HS3ST5: variants seen among roughly 807,000 people sequenced by gnomAD.
The protein encoded by HS3ST5 is heparan sulfate-glucosamine 3-sulfotransferase 5, also known as heparan sulfate glucosamine 3-O-sulfotransferase 5.
Under a neutral mutation model 25.4 loss-of-function variants are expected in HS3ST5, and 10 were observed. The observed-to-expected ratio is 0.39, with a 90% CI of 0.24 to 0.67. The LOEUF (loss-of-function observed/expected upper bound fraction) is 0.67, where lower values mean the gene tolerates loss of function less well. Among genes scored for constraint, HS3ST5 ranks in the 30% least tolerant of loss-of-function variants. The pLI, the probability that HS3ST5 is intolerant of heterozygous loss-of-function variation, is 0.44. For synonymous variants in HS3ST5, 170 were observed against 162.4 expected (o/e 1.05, Z -0.36); for missense variants, 324 against 420.7 (o/e 0.77, Z 2.01).
intron 1 of HS3ST5, among the ~76,000 whole-genome samples, chr6:114,300,484 C>CA (rs1486118571): frequency 6.6e-6 from 1 of 151,980 alleles, no homozygotes; most frequent in East Asian, 1.9e-4. Flanking sequence ...AAAGCTAAAA[C>CA]AAAAAAGACA....
At chr6:114,312,880 A>G (rs903803389) in intron 1 of HS3ST5, among the ~76,000 whole-genome samples, 3 of 151,660 alleles carry the variant, frequency 2.0e-5, no homozygotes, top group African/African-American at 7.3e-5. Context: ...AAATACAAAA[A>G]TCAGCCGAGC....
intron 3 of HS3ST5, among the ~76,000 whole-genome samples, chr6:114,165,490 A>G (rs1405978281): frequency 6.6e-6 from 1 of 152,176 alleles, no homozygotes; most frequent in East Asian, 1.9e-4. Flanking sequence ...CAATGTTTAT[A>G]TTTACCAAAC....
intron 2 of HS3ST5, among the ~76,000 whole-genome samples, chr6:114,195,249 T>A (rs1210286567): frequency 1.3e-5 from 2 of 152,066 alleles, no homozygotes; most frequent in East Asian, 3.9e-4. Context: ...GGTCAGGCCA[T>A]CTGAGAAAGG....
chr6:114,152,213 T>G (rs1008477069), intron 3 of HS3ST5, among the ~76,000 whole-genome samples: 1 of 152,138 alleles, frequency 6.6e-6, no homozygotes, highest in African/African-American at 2.4e-5. Context: ...TGAGCCACCG[T>G]GCCAGGCCAT....
chr6:114,264,820 C>G (rs968359889), intron 1 of HS3ST5, among the ~76,000 whole-genome samples: 1 of 152,038 alleles, frequency 6.6e-6, no homozygotes, highest in African/African-American at 2.4e-5. Flanking sequence ...TCCAGGAAAA[C>G]TGATATTTGA....
At chr6:114,127,987 C>T (rs568627171) in intron 3 of HS3ST5, among the ~76,000 whole-genome samples, 1 of 151,304 alleles carries the variant, frequency 6.6e-6, no homozygotes, top group South Asian at 2.1e-4. Flanking sequence ...AGCCTGCTTC[C>T]TCTAATACAA....
intron 3 of HS3ST5, among the ~76,000 whole-genome samples, chr6:114,118,289 C>T (rs1046870528): frequency 6.6e-5 from 10 of 151,550 alleles, no homozygotes; most frequent in African/African-American, 1.7e-4. Context: ...TAATTTTCAG[C>T]GGAAAAAAAA....
At chr6:114,193,768 G>A (rs185930300) in intron 2 of HS3ST5, among the ~76,000 whole-genome samples, 94 of 152,030 alleles carry the variant, frequency 6.2e-4, no homozygotes, top group African/African-American at 2.1e-3. Flanking sequence ...ACTATTATGA[G>A]TGAAATTTCC....
intron 1 of HS3ST5, among the ~76,000 whole-genome samples, chr6:114,310,257 G>A (rs1582806669): frequency 6.6e-6 from 1 of 152,204 alleles, no homozygotes; most frequent in Non-Finnish European, 1.5e-5. Context: ...TTGCACAATA[G>A]CTACTCAATA....
chr6:114,234,114 C>T (rs537925500), intron 1 of HS3ST5, among the ~76,000 whole-genome samples: 5 of 152,128 alleles, frequency 3.3e-5, no homozygotes, highest in East Asian at 3.9e-4. Flanking sequence ...TAAGGGTAGA[C>T]GATGCAAATT....
intron 1 of HS3ST5, among the ~76,000 whole-genome samples, chr6:114,250,161 G>C (rs571570567): frequency 6.6e-6 from 1 of 152,274 alleles, no homozygotes; most frequent in East Asian, 1.9e-4. Context: ...ATTATCCCAT[G>C]ATGGTGAAAT....
intron 3 of HS3ST5, among the ~76,000 whole-genome samples, chr6:114,105,178 A>C (rs1446888133): frequency 6.6e-6 from 1 of 152,242 alleles, no homozygotes; most frequent in Non-Finnish European, 1.5e-5. Flanking sequence ...AAAAGAAGGC[A>C]GCAGCTCAAA....
intron 3 of HS3ST5, among the ~76,000 whole-genome samples, chr6:114,157,142 G>C (rs964734230): frequency 6.6e-6 from 1 of 151,804 alleles, no homozygotes; most frequent in Non-Finnish European, 1.5e-5. Context: ...CCATTGTCCA[G>C]GATGGAATTA....
intron 1 of HS3ST5, among the ~76,000 whole-genome samples, chr6:114,336,810 CTTGAG>C (rs1776630508): frequency 2.0e-5 from 3 of 151,972 alleles, no homozygotes; most frequent in Admixed American, 1.3e-4. Flanking sequence ...TTTTCATTGA[CTTGAG>C]TTAGTTAGCT....
chr6:114,259,843 G>T (rs1773090074), intron 1 of HS3ST5, among the ~76,000 whole-genome samples: 1 of 152,106 alleles, frequency 6.6e-6, no homozygotes, highest in South Asian at 2.1e-4. Context: ...ATCTGAAAAA[G>T]GAAGCTAATA....
At chr6:114,078,316 C>T (rs949331338) in intron 3 of HS3ST5, among the ~76,000 whole-genome samples, 3 of 152,038 alleles carry the variant, frequency 2.0e-5, no homozygotes, top group African/African-American at 2.4e-5. Context: ...AAGCAATTCT[C>T]CTGCCTCAGC....
rs2114743542 is a variant in HS3ST5, at chr6:114,074,777, A to G, written c.-32-11900T>C. Among the ~76,000 whole-genome samples, 2 of 152,260 alleles carry G rather than the reference A, an allele frequency of 1.3e-5. 1 individual carries two copies. Among genetic ancestry groups the G allele is most frequent in the South Asian group, 4.1e-4 (2 of 4,826 alleles). On this transcript the variant is annotated intron_variant, in intron 3 of 4. Transcript: ENST00000312719. ...TAGCAAAAGTACAGCTAAAAATCTT[A>G]GGAAACTTTATAAATATTTAATAAA... is the stretch of plus-strand genomic sequence containing the variant.
At chr6:114,135,634 G>T (rs1004146218) in intron 3 of HS3ST5, among the ~76,000 whole-genome samples, 1 of 152,184 alleles carries the variant, frequency 6.6e-6, no homozygotes, top group African/African-American at 2.4e-5. Context: ...TCAAGATTTA[G>T]GTCAGATGTC....
intron 3 of HS3ST5, chr6:114,084,499 C>T (rs1774665297): frequency 5.3e-6 from 4 of 758,362 alleles, no homozygotes; most frequent in African/African-American, 3.4e-5. Context: ...AATGGTGCCA[C>T]GCATGCGCAG....
Sources: gnomAD v4.1 joint callset for allele counts (sites outside exome capture counted in the v4.1 genomes callset) on GRCh38, gnomAD v4.1.1 for gene constraint, MANE v1.5 for transcripts, NCBI Gene and HGNC (gene_info 2026-07-23, HGNC 2026-07-21) for gene names.